The following DDOST variants were observed in gnomAD, a reference collection of about 807,000 sequenced individuals.
DDOST encodes dolichyl-diphosphooligosaccharide--protein glycosyltransferase non-catalytic subunit, also known as dolichyl-diphosphooligosaccharide--protein glycosyltransferase 48 kDa subunit.
DDOST carries 25 observed loss-of-function variants against 47.6 expected under a neutral mutation model. That is an observed-to-expected ratio of 0.53 (90% CI 0.38 to 0.73). DDOST has a LOEUF of 0.73. Among genes scored for constraint, DDOST ranks in the 30% least tolerant of loss-of-function variants. The probability of loss-of-function intolerance (pLI) is 0.00; values close to 1 mark genes in which losing one functional copy is unlikely to be tolerated. For missense variants in DDOST, 526 were observed against 573.9 expected (o/e 0.92, Z 0.85); for synonymous variants, 275 against 236.0 (o/e 1.17, Z -1.51).
In DDOST at chr1:20,652,335, C is replaced by CT. The variant is rs781678887; in HGVS notation, c.*43dup. On this transcript the variant is annotated 3_prime_UTR_variant, in exon 11 of 11. Transcript: ENST00000602624. ...AAAACCACCAATCCTAATAACCCCC[C>CT]TCCTTGCCCCGTCTCCACGCTGTGC... The CT allele has an allele frequency of 8.6e-6, 13 of 1,515,300 alleles. 1 individual carries two copies. In the South Asian group the frequency reaches 1.4e-4, roughly 17 times the overall value. The allele number at this position is 1,515,300 out of a possible 1,614,324, so 93.9% of individuals were successfully genotyped here. A position where few individuals can be genotyped will look rare whatever the true frequency, so the allele number is the denominator to read the frequency against.
rs2053370453 is a variant in DDOST at position 20,656,160 on chromosome 1, G to C, written c.293C>G (p.Thr98Ser). 11 of 1,614,004 alleles carry C rather than the reference G, an allele frequency of 6.8e-6. No homozygotes were observed. Among genetic ancestry groups the C allele is most frequent in the Non-Finnish European group, 9.3e-6 (11 of 1,180,016 alleles). Residue 98 changes from threonine to serine, a missense_variant, in exon 3 of 11, where the codon ACC becomes AGC. Thr to Ser is a moderately conservative substitution (Grantham distance 58). Coordinates refer to ENST00000602624, the MANE Select transcript of DDOST (RefSeq NM_005216.5). ...EDFGGNINVE[T>S]ISAFIDGGGS... ...TCCGCCGTCAATAAAGGCACTGATG[G>C]TCTCCACGTTGATGTTGCCTCCAAA... is the stretch of plus-strand genomic sequence containing the variant.
chr1:20,659,037 T>C (rs1392501363), intron 2 of DDOST, among the ~76,000 whole-genome samples: 1 of 151,896 alleles, frequency 6.6e-6, no homozygotes, highest in African/African-American at 2.4e-5. Flanking sequence ...GTTCATTTTT[T>C]TGTAGAGATG....
intron 2 of DDOST, among the ~76,000 whole-genome samples, chr1:20,657,157 C>T (rs527439395): frequency 6.6e-6 from 1 of 152,104 alleles, no homozygotes; most frequent in East Asian, 1.9e-4. Flanking sequence ...GCAAAGTCCC[C>T]GAGGGGGGTG....
At position 20,652,106 on chromosome 1, in the gene DDOST, T is replaced by C. The variant is rs571664531; in HGVS notation, c.*273A>G. On this transcript the variant is annotated 3_prime_UTR_variant, in exon 11 of 11. Transcript: ENST00000602624. The stretch of plus-strand genomic sequence containing the variant: ...TCCCAAAGTGCTGGGATTACAGGCA[T>C]GAGCCACCGTGCCTGGCCACGTCCC... 3 of 273,956 alleles carry C rather than the reference T, an allele frequency of 1.1e-5. No homozygotes were observed. The highest frequency in any genetic ancestry group is 1.4e-5 in the Non-Finnish European group (2 of 143,958). The allele number at this position is 273,956 out of a possible 1,614,324, so 17.0% of individuals were successfully genotyped here.
intron 2 of DDOST, 50 bp downstream of exon 2, chr1:20,660,831 C>G (rs752475661): frequency 5.4e-6 from 6 of 1,105,534 alleles, no homozygotes; most frequent in South Asian, 1.3e-5. Flanking sequence ...AGCAATCCAT[C>G]AAGTCCCGGG....
intron 7 of DDOST, 123 bp from the exon 8 acceptor site, chr1:20,653,897 G>T: frequency 8.6e-7 from 1 of 1,162,406 alleles, no homozygotes; most frequent in Non-Finnish European, 1.2e-6. Flanking sequence ...TAGGCCTTGG[G>T]CACCTAGGGA....
chr1:20,654,757 A>G, intron 5 of DDOST, 50 bp from the exon 6 acceptor site: 2 of 1,265,956 alleles, frequency 1.6e-6, no homozygotes, highest in Non-Finnish European at 2.2e-6. Flanking sequence ...ACTGAGCCCA[A>G]GGACATGGGA....
At chr1:20,661,174 AC>A in intron 1 of DDOST, 22 bp downstream of exon 1, 10 of 1,609,738 alleles carry the variant, frequency 6.2e-6, no homozygotes, top group Non-Finnish European at 8.5e-6. Flanking sequence ...CCCACACGCT[AC>A]CCCCTCGGAC....
At chr1:20,655,374 C>T (rs892630571) in intron 5 of DDOST, 66 bp downstream of exon 5, 1 of 1,327,022 alleles carries the variant, frequency 7.5e-7, no homozygotes, top group South Asian at 1.2e-5. Flanking sequence ...CTTGATTTCC[C>T]AAAAAAATTA....
Position 20,661,280 on chromosome 1 carries a change from C to A in DDOST, c.71G>T (p.Cys24Phe), listed in dbSNP as rs201767006. Residue 24 changes from cysteine to phenylalanine, a missense_variant, in exon 1 of 11, where the codon TGC (cysteine) becomes TTC (phenylalanine). Transcript: ENST00000602624. Reference protein sequence around the residue: ...WLLLPLLGAVCASGPRTLVLL... With the variant: ...WLLLPLLGAVFASGPRTLVLL... ...CACTAAGGTGCGGGGTCCGCTGGCG[C>A]AAACCGCGCCAAGCAAGGGCAGCAG... 1.9e-6 allele frequency: 3 copies of A among 1,613,922 alleles called. No individual in the cohort carries two copies. In the Admixed American group the frequency reaches 5.0e-5, roughly 27 times the overall value.
intron 7 of DDOST, 25 bp downstream of exon 7, chr1:20,654,180 TGCACCACCCGGATCCCCG>T: frequency 6.5e-7 from 1 of 1,548,878 alleles, no homozygotes; most frequent in South Asian, 1.2e-5. Flanking sequence ...ATACACACAC[TGCACCACCCGGATCCCCG>T]GCCCCTAAGC....
At chr1:20,653,533 T>TA in intron 8 of DDOST, 94 bp downstream of exon 8, 7 of 1,313,738 alleles carry the variant, frequency 5.3e-6, no homozygotes, top group Non-Finnish European at 7.3e-6. Context: ...TTATGCCCTT[T>TA]AGGCCAGCAA....
In DDOST at chr1:20,655,833, A is replaced by G. The variant is rs949134639; in HGVS notation, c.353-54T>C. 2.7e-6 allele frequency: 4 copies of G among 1,475,254 alleles called. No homozygotes were observed. The African/African-American group carries it at 5.5e-5, about 20-fold the overall frequency. 91.4% of individuals were successfully genotyped at this position (1,475,254 alleles called of 1,614,324 possible). On this transcript the variant is annotated intron_variant, in intron 3 of 10. Coordinates refer to ENST00000602624, the MANE Select transcript of DDOST (RefSeq NM_005216.5). ...AGCCCTTACAGGGGGGCCTTGGGCCAAGTGTCCTTGGCTTCCTTGTGACTC... is the reference window on the plus strand; with the variant it reads ...AGCCCTTACAGGGGGGCCTTGGGCCGAGTGTCCTTGGCTTCCTTGTGACTC...
chr1:20,652,631 G>C lies in DDOST; in HGVS notation c.1160C>G (p.Ser387Cys). 6.2e-7 allele frequency: 1 copy of C among 1,614,118 alleles called. No homozygotes were observed. Among genetic ancestry groups the C allele is most frequent in the Non-Finnish European group, 8.5e-7 (1 of 1,179,918 alleles). Residue 387 changes from serine to cysteine, a missense_variant, in exon 10 of 11, where the codon TCT (serine) becomes TGT (cysteine). Ser to Cys is a moderately radical substitution (Grantham distance 112). Coordinates refer to ENST00000602624, the MANE Select transcript of DDOST (RefSeq NM_005216.5). Reference protein sequence around the residue: ...YNRLGYTHLYSSTQVSVRPLQ... With the variant: ...YNRLGYTHLYCSTQVSVRPLQ... ...GTCACCTGTGCTTACCTGAGTGGAA[G>C]AGTACAGGTGTGTGTAGCCTAGCCG...
chr1:20,652,693 G>A lies in DDOST; in HGVS notation c.1098C>T (p.Asp366=), dbSNP rs777455786. The change falls in exon 10 of 11, where the codon GAC becomes GAT. Residue 366 remains aspartate (D), a synonymous_variant. Transcript: ENST00000602624. The stretch of plus-strand genomic sequence containing the variant: ...CTTTAAACTGGAATACACCATACAC[G>A]TCGGGCAACTTGAACTGAACACTGT... ...GKYSVQFKLP[D]VYGVFQFKVD... is the part of the protein sequence containing the mutation. 23 of 1,614,062 alleles carry A rather than the reference G, an allele frequency of 1.4e-5. No homozygotes were observed. Among genetic ancestry groups the A allele is most frequent in the Admixed American group, 1.2e-4 (7 of 60,004 alleles).
chr1:20,652,791 G>C, intron 9 of DDOST, 60 bp downstream of exon 9: 8 of 1,599,884 alleles, frequency 5.0e-6, no homozygotes, highest in Non-Finnish European at 6.0e-6. Context: ...GTTGGGCCTC[G>C]AGAGCAAGTG....
At chr1:20,660,236 G>A (rs568826878) in intron 2 of DDOST, among the ~76,000 whole-genome samples, 15 of 152,272 alleles carry the variant, frequency 9.9e-5, no homozygotes, top group African/African-American at 3.6e-4. Flanking sequence ...AATAAAGCAG[G>A]AGACAATATT....
Position 20,653,730 on chromosome 1 carries a change from C to G in DDOST, c.839G>C (p.Arg280Pro). The G allele has an allele frequency of 6.2e-7, 1 of 1,613,996 alleles. No homozygotes were observed. The highest frequency in any genetic ancestry group is 8.5e-7 in the Non-Finnish European group (1 of 1,179,942). The part of the protein sequence containing the change: ...GNYELAVALS[R>P]WVFKEEGVLR... Reference sequence around the variant, plus strand: ...GACACCCTCCTCCTTGAACACCCAGCGGGAGAGGGCCACAGCTAGTTCATA... The same window carrying G: ...GACACCCTCCTCCTTGAACACCCAGGGGGAGAGGGCCACAGCTAGTTCATA... The change falls in exon 8 of 11, where the codon CGC (arginine) becomes CCC (proline). Residue 280 changes from arginine (R) to proline (P), a missense_variant. Transcript: ENST00000602624.
At position 20,653,626 on chromosome 1, in the gene DDOST, C is replaced by G; in HGVS notation, c.942+1G>C. The G allele has an allele frequency of 6.3e-7, 1 of 1,594,346 alleles. No individual in the cohort carries two copies. The highest frequency in any genetic ancestry group is 8.6e-7 in the Non-Finnish European group (1 of 1,167,352). On this transcript the variant is annotated splice_donor_variant, in intron 8 of 10. Transcript: ENST00000602624. LOFTEE classifies it high-confidence loss of function. ...GCCCTCCCACCCCAAACATCTCTTA[C>G]CACTAGGTCAGTGACAGTGTAGGCA...
Sources: gnomAD v4.1 joint callset for allele counts (sites outside exome capture counted in the v4.1 genomes callset) on GRCh38, gnomAD v4.1.1 for gene constraint, MANE v1.5 for transcripts, NCBI Gene and HGNC (gene_info 2026-07-23, HGNC 2026-07-21) for gene names.